MKRN2OS: variants seen among roughly 807,000 people sequenced by gnomAD.
MKRN2OS encodes the protein MKRN2 opposite strand protein.
A neutral mutation model predicts 18.2 loss-of-function variants in MKRN2OS; 17 were observed. The observed-to-expected ratio is 0.93, with a 90% CI of 0.64 to 1.40. The LOEUF is 1.40. Among genes scored for constraint, MKRN2OS ranks in the 40% most tolerant of loss-of-function variants. The probability of loss-of-function intolerance (pLI) is 0.00; values close to 1 mark genes in which losing one functional copy is unlikely to be tolerated. For synonymous variants in MKRN2OS, 121 were observed against 108.5 expected, an observed-to-expected ratio of 1.12 and a Z score of -0.72; for missense variants, 337 against 283.0, an observed-to-expected ratio of 1.19 and a Z score of -1.37.
Position 12,540,206 on chromosome 3 carries a change from C to T in MKRN2OS, c.659G>A (p.Gly220Asp), listed in dbSNP as rs1340431244. 3 of 1,536,148 alleles carry T rather than the reference C, an allele frequency of 2.0e-6. No individual in the cohort carries two copies. Among genetic ancestry groups the T allele is most frequent in the Non-Finnish European group, 2.6e-6 (3 of 1,146,914 alleles). Residue 220 changes from glycine to aspartate, a missense_variant, in exon 4 of 4, where the codon GGC (glycine) becomes GAC (aspartate). Coordinates refer to ENST00000564146, the MANE Select transcript of MKRN2OS (RefSeq NM_001195279.2). ...PQQQAQPPEG[G>D]GLC ...CTTACATAGCTCTCAGCACAAACCG[C>T]CGCCCTCAGGGGGTTGTGCCTGCTG...
At chr3:12,546,115 G>GTT (rs2057880440), upstream of MKRN2OS, among the ~76,000 whole-genome samples, 1 of 152,144 alleles carries the variant, frequency 6.6e-6, no homozygotes, top group South Asian at 2.1e-4. Context: ...TAATCATTTA[G>GTT]TTTTGTTTCT....
upstream of MKRN2OS, among the ~76,000 whole-genome samples, chr3:12,547,333 C>G (rs1168626983): frequency 6.6e-6 from 1 of 151,922 alleles, no homozygotes; most frequent in Non-Finnish European, 1.5e-5. Flanking sequence ...CGCTTGAGCC[C>G]AGGAGTTCAA....
chr3:12,540,577 A>G, intron 3 of MKRN2OS, 144 bp from the exon 4 acceptor site: 1 of 968,860 alleles, frequency 1.0e-6, no homozygotes, highest in Non-Finnish European at 1.5e-6. Flanking sequence ...AAGAAGCTTC[A>G]AGATGTGCAC....
At chr3:12,557,120 G>T (rs376966478) in intron 1 of MKRN2OS, 14 of 1,493,726 alleles carry the variant, frequency 9.4e-6, no homozygotes, top group Non-Finnish European at 1.2e-5. Context: ...GAGAGGCGGC[G>T]GCACGACGAC....
Position 12,540,076 on chromosome 3 carries a change from T to C in MKRN2OS, c.*117A>G. ...CTGGGATTACAGGTGTGAGCCACCA[T>C]GCCCGGCCCATACACGCTTTTATTA... On this transcript the variant is annotated 3_prime_UTR_variant, in exon 4 of 4. Coordinates refer to ENST00000564146, the MANE Select transcript of MKRN2OS (RefSeq NM_001195279.2). 7.1e-7 allele frequency: 1 copy of C among 1,414,932 alleles called. No individual in the cohort carries two copies. The highest frequency in any genetic ancestry group is 9.5e-7 in the Non-Finnish European group (1 of 1,054,228). The allele number at this position is 1,414,932 out of a possible 1,614,324, so 87.6% of individuals were successfully genotyped here. A position where few individuals can be genotyped will look rare whatever the true frequency, so the allele number is the denominator to read the frequency against.
chr3:12,540,316 G>C lies in MKRN2OS; in HGVS notation c.549C>G (p.Val183=), dbSNP rs1009711710. Residue 183 remains valine, a synonymous_variant, in exon 4 of 4, where the codon GTC becomes GTG. Transcript: ENST00000564146. The part of the protein sequence containing the change: ...DKGEFTEKYV[V]PRTRLASKFI... The stretch of plus-strand genomic sequence containing the variant: ...ACTTGGATGCCAGCCTTGTCCGCGG[G>C]ACCACGTACTTCTCCGTAAATTCAC... The C allele has an allele frequency of 2.5e-5, 39 of 1,536,008 alleles. No individual in the cohort carries two copies. In the African/African-American group the frequency reaches 4.5e-4, roughly 18 times the overall value.
At chr3:12,550,551 A>G (rs1323075865), downstream of MKRN2OS, among the ~76,000 whole-genome samples, 1 of 152,200 alleles carries the variant, frequency 6.6e-6, no homozygotes, top group African/African-American at 2.4e-5. Context: ...CATCTCTACA[A>G]AAAAATTTTT....
Position 12,559,315 on chromosome 3 carries a change from A to G in MKRN2OS, n.264+1442T>C, listed in dbSNP as rs191123703. On this transcript the variant is annotated intron_variant and non_coding_transcript_variant, in intron 1 of 1. Coordinates refer to the MKRN2OS transcript ENST00000447550. ...ATCTACCAAAAGCTTTTCTCACTTT[A>G]TTATCTCATTAACAAAAGCCTTGTC... 4.1e-4 allele frequency among the ~76,000 whole-genome samples: 62 copies of G among 152,284 alleles called. 1 individual carries two copies. Among genetic ancestry groups the G allele is most frequent in the African/African-American group, 1.5e-3 (61 of 41,548 alleles).
chr3:12,558,526 A>C (rs1319755369), intron 1 of MKRN2OS, among the ~76,000 whole-genome samples: 5 of 152,176 alleles, frequency 3.3e-5, no homozygotes, highest in African/African-American at 4.8e-5. Flanking sequence ...AGTGTCCACA[A>C]AACAGTACAC....
Position 12,541,842 on chromosome 3 carries a change from G to T in MKRN2OS, c.431+18C>A. 6.5e-7 allele frequency: 1 copy of T among 1,532,124 alleles called. No individual in the cohort carries two copies. The highest frequency in any genetic ancestry group is 8.7e-7 in the Non-Finnish European group (1 of 1,145,110). The allele number at this position is 1,532,124 out of a possible 1,614,324, so 94.9% of individuals were successfully genotyped here. A position where few individuals can be genotyped will look rare whatever the true frequency, so the allele number is the denominator to read the frequency against. On this transcript the variant is annotated intron_variant, in intron 3 of 3. Coordinates refer to ENST00000564146, the MANE Select transcript of MKRN2OS (RefSeq NM_001195279.2). ...GCATGTGAGTGTCAGCGAGGGGGCA[G>T]CATTTGCAGTCGTGTACCTGTGAGG...
downstream of MKRN2OS, among the ~76,000 whole-genome samples, chr3:12,551,216 G>A (rs1575508956): frequency 2.0e-5 from 3 of 151,812 alleles, no homozygotes; most frequent in South Asian, 4.1e-4. Context: ...AAAAAGCCCG[G>A]GCACAATGGC....
downstream of MKRN2OS, among the ~76,000 whole-genome samples, chr3:12,551,750 A>G (rs1457231403): frequency 2.6e-5 from 4 of 152,102 alleles, no homozygotes; most frequent in East Asian, 7.8e-4. Context: ...AGCCTGGCCA[A>G]TATGGTGAAA....
intron 1 of MKRN2OS, among the ~76,000 whole-genome samples, chr3:12,544,275 A>G (rs1376572648): frequency 3.3e-5 from 5 of 152,192 alleles, no homozygotes; most frequent in Non-Finnish European, 5.9e-5. Flanking sequence ...CAGGAGCTGA[A>G]CATATTTCCT....
In MKRN2OS at chr3:12,539,858, T is replaced by A. The variant is rs2057767223; in HGVS notation, c.*335A>T. 1 of 299,064 alleles carries A rather than the reference T, an allele frequency of 3.3e-6. No homozygotes were observed. The highest frequency in any genetic ancestry group is 2.1e-5 in the African/African-American group (1 of 47,250). 18.5% of individuals were successfully genotyped at this position (299,064 alleles called of 1,614,324 possible). On this transcript the variant is annotated 3_prime_UTR_variant, in exon 4 of 4. Transcript: ENST00000564146. ...TGGAGTGCAATGGCACGATCTCAAC[T>A]CATCCCAACCTCCGCCTCCCGGGTT...
downstream of MKRN2OS, among the ~76,000 whole-genome samples, chr3:12,551,281 C>T (rs1038787775): frequency 2.0e-5 from 3 of 151,528 alleles, no homozygotes. Flanking sequence ...TCACTTGAGG[C>T]CAGGAGTTTT....
At chr3:12,545,066 A>C (rs1295113484) in intron 1 of MKRN2OS, among the ~76,000 whole-genome samples, 181 bp downstream of exon 1, 1 of 152,232 alleles carries the variant, frequency 6.6e-6, no homozygotes, top group African/African-American at 2.4e-5. Flanking sequence ...CTGCAGGAAC[A>C]TATGCACACC....
chr3:12,555,846 C>G (rs895575055), intron 1 of MKRN2OS, among the ~76,000 whole-genome samples: 5 of 152,180 alleles, frequency 3.3e-5, no homozygotes, highest in Non-Finnish European at 7.4e-5. Flanking sequence ...GAAGTTTAGT[C>G]GAGCATGGTG....
At chr3:12,544,648 C>T (rs1367770178) in intron 1 of MKRN2OS, among the ~76,000 whole-genome samples, 1 of 150,708 alleles carries the variant, frequency 6.6e-6, no homozygotes, top group Non-Finnish European at 1.5e-5. Context: ...CATTGCACTC[C>T]AGCCTGGGCA....
At chr3:12,559,967 G>A (rs1483959959) in intron 1 of MKRN2OS, among the ~76,000 whole-genome samples, 1 of 152,128 alleles carries the variant, frequency 6.6e-6, no homozygotes, top group African/African-American at 2.4e-5. Flanking sequence ...AAAACATGGG[G>A]GATCTTTTCA....
Sources: allele counts gnomAD v4.1 joint callset (sites outside exome capture counted in the v4.1 genomes callset), GRCh38; gene constraint gnomAD v4.1.1; transcripts MANE v1.5; gene names NCBI Gene and HGNC (gene_info 2026-07-23, HGNC 2026-07-21).